PDE9A: variants seen among roughly 807,000 people sequenced by gnomAD.
PDE9A encodes the protein phosphodiesterase 9A.
A neutral mutation model predicts 87.4 loss-of-function variants in PDE9A; 60 were observed. The ratio of observed to expected loss-of-function variants is 0.69; its 90% CI spans 0.56 to 0.85. The LOEUF (loss-of-function observed/expected upper bound fraction) is 0.85. Among genes scored for constraint, PDE9A ranks in the 40% least tolerant of loss-of-function variants. The pLI is 0.00. For synonymous variants in PDE9A, 272 were observed against 279.4 expected (o/e 0.97, Z 0.27); for missense variants, 665 against 779.0 (o/e 0.85, Z 1.74).
chr21:42,771,112 C>T (rs112212562), intron 18 of PDE9A, among the ~76,000 whole-genome samples: 5 of 152,312 alleles, frequency 3.3e-5, no homozygotes, highest in East Asian at 1.9e-4. Flanking sequence ...GTGTATCAGC[C>T]GCCGTTAGAG....
chr21:42,765,073 G>T (rs992113025), intron 14 of PDE9A, among the ~76,000 whole-genome samples: 15 of 151,922 alleles, frequency 9.9e-5, no homozygotes, highest in Non-Finnish European at 1.6e-4. Context: ...ATGGATGGGT[G>T]GATGGGTGGA....
chr21:42,754,288 G>A (rs1230368477), intron 10 of PDE9A, among the ~76,000 whole-genome samples: 3 of 152,202 alleles, frequency 2.0e-5, no homozygotes, highest in Non-Finnish European at 4.4e-5. Context: ...TCTGTGAGTG[G>A]GGGAGACGGC....
chr21:42,654,686 G>A (rs1025040204), intron 1 of PDE9A, among the ~76,000 whole-genome samples: 1 of 152,222 alleles, frequency 6.6e-6, no homozygotes, highest in African/African-American at 2.4e-5. Context: ...CACTGAAGGA[G>A]GCCAGGGAGA....
chr21:42,750,877 G>A (rs945417394), intron 8 of PDE9A, among the ~76,000 whole-genome samples: 33 of 152,246 alleles, frequency 2.2e-4, no homozygotes, highest in Middle Eastern at 6.8e-3. Flanking sequence ...GAGCCACCAC[G>A]CCCAGCCCCA....
At chr21:42,666,157 T>C (rs1003504058) in intron 1 of PDE9A, among the ~76,000 whole-genome samples, 1 of 151,780 alleles carries the variant, frequency 6.6e-6, no homozygotes, top group Non-Finnish European at 1.5e-5. Context: ...GAGGGCGTGG[T>C]CATTCGTGCA....
intron 19 of PDE9A, among the ~76,000 whole-genome samples, chr21:42,773,969 G>A (rs990276636): frequency 5.3e-5 from 8 of 151,784 alleles, no homozygotes; most frequent in African/African-American, 1.9e-4. Flanking sequence ...GCCGGGCGTG[G>A]TGGTGGGTGC....
chr21:42,738,447 G>A (rs1476394864), intron 7 of PDE9A, among the ~76,000 whole-genome samples: 1 of 152,178 alleles, frequency 6.6e-6, no homozygotes, highest in Non-Finnish European at 1.5e-5. Flanking sequence ...GGAGCACAGT[G>A]AGGCTGGGGA....
chr21:42,685,758 G>A (rs1348708615), intron 1 of PDE9A, among the ~76,000 whole-genome samples: 3 of 151,966 alleles, frequency 2.0e-5, no homozygotes, highest in African/African-American at 7.3e-5. Context: ...GTGAGCCACC[G>A]CGCCCGGCCT....
intron 7 of PDE9A, among the ~76,000 whole-genome samples, chr21:42,736,396 C>A (rs186181628): frequency 6.6e-6 from 1 of 152,156 alleles, no homozygotes; most frequent in African/African-American, 2.4e-5. Flanking sequence ...GACCTTCCCC[C>A]CTAGCCTGTT....
intron 4 of PDE9A, among the ~76,000 whole-genome samples, chr21:42,706,873 C>T (rs1467409723): frequency 6.6e-6 from 1 of 152,136 alleles, no homozygotes; most frequent in African/African-American, 2.4e-5. Flanking sequence ...TCCAGCCTGG[C>T]TTCTTCCACT....
intron 4 of PDE9A, among the ~76,000 whole-genome samples, chr21:42,717,386 G>A (rs2050042042): frequency 7.3e-6 from 1 of 136,700 alleles, no homozygotes; most frequent in African/African-American, 2.8e-5. Flanking sequence ...CGCCTCCTAG[G>A]TTCAAGCAAT....
intron 7 of PDE9A, among the ~76,000 whole-genome samples, chr21:42,735,927 A>T (rs776969892): frequency 6.6e-6 from 1 of 152,214 alleles, no homozygotes; most frequent in Admixed American, 6.5e-5. Context: ...CCCATGTCGC[A>T]GGGAATTCTC....
chr21:42,765,004 T>TGGAA (rs1371367819), intron 14 of PDE9A, among the ~76,000 whole-genome samples: 3 of 139,410 alleles, frequency 2.2e-5, no homozygotes, highest in African/African-American at 5.8e-5. Context: ...GATGGATGGA[T>TGGAA]GGATGGATGG....
chr21:42,655,735 G>A (rs2057011977), intron 1 of PDE9A, among the ~76,000 whole-genome samples: 1 of 152,222 alleles, frequency 6.6e-6, no homozygotes, highest in Non-Finnish European at 1.5e-5. Flanking sequence ...AACACGATGA[G>A]CATTATTCTT....
chr21:42,722,598 G>T lies in PDE9A; in HGVS notation c.263-9172G>T, dbSNP rs2050642694. 6.6e-6 allele frequency among the ~76,000 whole-genome samples: 1 copy of T among 152,140 alleles called. No individual in the cohort carries two copies. The highest frequency in any genetic ancestry group is 6.5e-5 in the Admixed American group (1 of 15,278). On this transcript the variant is annotated intron_variant, in intron 4 of 19. Transcript: ENST00000291539. The surrounding 1 kb of genome is among the most constrained non-coding windows in gnomAD (Gnocchi z 4.1). The stretch of plus-strand genomic sequence containing the variant: ...CCTAGGTCACCTCCCTCAATGCATG[G>T]GTCTAGGGGCCAGCATGTTCTATTG...
intron 10 of PDE9A, among the ~76,000 whole-genome samples, chr21:42,754,355 C>A (rs1448156003): frequency 6.6e-6 from 1 of 152,206 alleles, no homozygotes; most frequent in African/African-American, 2.4e-5. Context: ...CCCCCCGAGC[C>A]ATCTGCTCAT....
rs200591908 is a variant in PDE9A at position 42,751,168 on chromosome 21, C to T, written c.706C>T (p.Pro236Ser). The T allele has an allele frequency of 1.2e-4, 193 of 1,613,080 alleles. 1 individual carries two copies. The Middle Eastern group carries it at 3.3e-3, about 27-fold the overall frequency. The change falls in exon 9 of 20, where the codon CCT becomes TCT. Residue 236 changes from proline (P) to serine (S), a missense_variant. Physicochemically the swap from Pro to Ser is moderately conservative, Grantham distance 74. Coordinates refer to ENST00000291539, the MANE Select transcript of PDE9A (RefSeq NM_002606.3). ...TTTGGATAACCACAAGAAGTTGACT[C>T]CTCGACGCGATGTTCCCACTTACCC... ...SFLDNHKKLT[P>S]RRDVPTYPKY...
rs1045626359 is a variant in PDE9A at position 42,675,052 on chromosome 21, A to C, written c.70-11140A>C. Among the ~76,000 whole-genome samples, 3 of 152,240 alleles carry C rather than the reference A, an allele frequency of 2.0e-5. No homozygotes were observed. Among genetic ancestry groups the C allele is most frequent in the African/African-American group, 7.2e-5 (3 of 41,468 alleles). On this transcript the variant is annotated intron_variant, in intron 1 of 19. Transcript: ENST00000291539. The surrounding 1 kb of genome is among the most constrained non-coding windows in gnomAD (Gnocchi z 4.3). ...CACTACCCAGAGAAAACCGCTGTTA[A>C]CACCGAAGTGCCACAGTTGCTGGCG...
In PDE9A at chr21:42,695,653, G is replaced by A. The variant is rs1057487441; in HGVS notation, c.219-3315G>A. Among the ~76,000 whole-genome samples the A allele has an allele frequency of 1.3e-5, 2 of 152,216 alleles. No individual in the cohort carries two copies. The highest frequency in any genetic ancestry group is 4.8e-5 in the African/African-American group (2 of 41,434). On this transcript the variant is annotated intron_variant, in intron 3 of 19. Coordinates refer to ENST00000291539, the MANE Select transcript of PDE9A (RefSeq NM_002606.3). The surrounding 1 kb of genome is among the most constrained non-coding windows in gnomAD (Gnocchi z 4.3). ...TTAGAGAAAAGCTTTCTATATTCCA[G>A]AATGGCTCCAGGCCTCCTCCTCCTC... is the stretch of plus-strand genomic sequence containing the variant.
Sources: allele counts gnomAD v4.1 joint callset (sites outside exome capture counted in the v4.1 genomes callset), GRCh38; gene constraint gnomAD v4.1.1; non-coding constraint Gnocchi (gnomAD v3.1); transcripts MANE v1.5; gene names NCBI Gene and HGNC (gene_info 2026-07-23, HGNC 2026-07-21).